CPHXL: variants seen among roughly 807,000 people sequenced by gnomAD.
The protein encoded by CPHXL is cytoplasmic polyadenylated homeobox-like protein.
Position 75,726,469 on chromosome 16 carries a change from G to C in CPHXL, c.-27C>G. On this transcript the variant is annotated 5_prime_UTR_variant, in exon 1 of 3. Coordinates refer to ENST00000640559, the MANE Select transcript of CPHXL (RefSeq NM_001355613.1). ...TTGGGGTAGAAGACCTGGACTTCAC[G>C]GAGACCAGCAAGCAACTGAGATCAG... 5.0e-6 allele frequency: 2 copies of C among 398,568 alleles called. No homozygotes were observed. Among genetic ancestry groups the C allele is most frequent in the Admixed American group, 4.4e-5 (1 of 22,726 alleles). 24.7% of individuals were successfully genotyped at this position (398,568 alleles called of 1,614,324 possible). A position where few individuals can be genotyped will look rare whatever the true frequency, so the allele number is the denominator to read the frequency against.
chr16:75,716,555 T>C (rs1959395430), intron 2 of CPHXL, among the ~76,000 whole-genome samples: 1 of 152,242 alleles, frequency 6.6e-6, no homozygotes, highest in Admixed American at 6.5e-5. Context: ...AGAGCTTTCC[T>C]GCCCTCCCTG....
rs1959362076 is a variant in CPHXL at position 75,714,564 on chromosome 16, T to G, written c.878A>C (p.His293Pro). Residue 293 changes from histidine to proline, a missense_variant, in exon 3 of 3, where the codon CAT becomes CCT. His to Pro is a moderately conservative substitution (Grantham distance 77). Coordinates refer to ENST00000640559, the MANE Select transcript of CPHXL (RefSeq NM_001355613.1). ...AQGAYGVKKD[H>P]CLCSFCLSLL... ...TGAGAGACAGAATGAGCAAAGACAA[T>G]GGTCTTTCTTCACCCCATATGCACC... The G allele has an allele frequency of 5.0e-6, 2 of 398,498 alleles. No homozygotes were observed. The highest frequency in any genetic ancestry group is 8.8e-5 in the Admixed American group (2 of 22,720). The allele number at this position is 398,498 out of a possible 1,614,324, so 24.7% of individuals were successfully genotyped here.
rs547229446 is a variant in CPHXL at position 75,722,018 on chromosome 16, G to A, written c.26-3560C>T. The stretch of plus-strand genomic sequence containing the variant: ...CCTGAATGACTACTGGGTACAAAAC[G>A]AAATGAAGGCAGAAACAAAGATGTT... On this transcript the variant is annotated intron_variant, in intron 1 of 2. Transcript: ENST00000640559. 7.2e-5 allele frequency among the ~76,000 whole-genome samples: 11 copies of A among 152,140 alleles called. No individual in the cohort carries two copies. In the South Asian group the frequency reaches 1.0e-3, roughly 14 times the overall value.
rs1181358530 is a variant in CPHXL at position 75,714,783 on chromosome 16, C to T, written c.659G>A (p.Cys220Tyr). The T allele has an allele frequency of 5.0e-6, 2 of 398,682 alleles. No individual in the cohort carries two copies. Among genetic ancestry groups the T allele is most frequent in the Non-Finnish European group, 4.4e-6 (1 of 226,098 alleles). 24.7% of individuals were successfully genotyped at this position (398,682 alleles called of 1,614,324 possible). A position where few individuals can be genotyped will look rare whatever the true frequency, so the allele number is the denominator to read the frequency against. The change falls in exon 3 of 3, where the codon TGT becomes TAT. Residue 220 changes from cysteine to tyrosine, a missense_variant. By Grantham distance (194) the Cys-to-Tyr change is radical. Transcript: ENST00000640559. ...TGTGTCACCTCCATACCCCATAGCA[C>T]AGCCTGGATGCTTTTCAGTGCCTGT... ...LVTGTEKHPG[C>Y]AMGYGGDTGS...
rs1959366921 is a variant in CPHXL at position 75,714,825 on chromosome 16, T to C, written c.617A>G (p.Gln206Arg). The C allele has an allele frequency of 2.0e-5, 8 of 398,728 alleles. No individual in the cohort carries two copies. Among genetic ancestry groups the C allele is most frequent in the South Asian group, 1.3e-4 (1 of 7,858 alleles). The allele number at this position is 398,728 out of a possible 1,614,324, so 24.7% of individuals were successfully genotyped here. The change falls in exon 3 of 3, where the codon CAG becomes CGG. Residue 206 changes from glutamine (Q) to arginine (R), a missense_variant. By Grantham distance (43) the Gln-to-Arg change is conservative. Transcript: ENST00000640559. ...AGTGCCTGTGACCAGATAGGAACTC[T>C]GGGAGGCCACCTGTTGACTGGGAAT... ...LGIPSQQVAS[Q>R]SSYLVTGTEK...
chr16:75,720,216 G>A (rs140849811), intron 1 of CPHXL, among the ~76,000 whole-genome samples: 129 of 152,298 alleles, frequency 8.5e-4, no homozygotes, highest in African/African-American at 2.9e-3. Context: ...CCAAAGGAAC[G>A]CAGCTCCTCA....
intron 1 of CPHXL, among the ~76,000 whole-genome samples, chr16:75,720,464 C>G (rs1479023439): frequency 6.6e-6 from 1 of 152,150 alleles, no homozygotes; most frequent in African/African-American, 2.4e-5. Flanking sequence ...ATGCACAAGC[C>G]TCAGTAGCCG....
intron 1 of CPHXL, among the ~76,000 whole-genome samples, chr16:75,725,642 CG>C (rs1959546327): frequency 6.6e-6 from 1 of 151,216 alleles, no homozygotes; most frequent in African/African-American, 2.4e-5. Context: ...TTAGTAGAGA[CG>C]GGGTTTCACC....
chr16:75,714,568 C>G lies in CPHXL; in HGVS notation c.874G>C (p.Asp292His), dbSNP rs1959362229. The change falls in exon 3 of 3, where the codon GAC becomes CAC. Residue 292 changes from aspartate (D) to histidine (H), a missense_variant. Physicochemically the swap from Asp to His is moderately conservative, Grantham distance 81 (BLOSUM62 -1). Transcript: ENST00000640559. ...YAQGAYGVKK[D>H]HCLCSFCLSL... is the part of the protein sequence containing the mutation. ...AGACAGAATGAGCAAAGACAATGGTCTTTCTTCACCCCATATGCACCTTGA... is the reference window on the plus strand; with the variant it reads ...AGACAGAATGAGCAAAGACAATGGTGTTTCTTCACCCCATATGCACCTTGA... 2.5e-6 allele frequency: 1 copy of G among 398,524 alleles called. No homozygotes were observed. Among genetic ancestry groups the G allele is most frequent in the Admixed American group, 4.4e-5 (1 of 22,724 alleles). The allele number at this position is 398,524 out of a possible 1,614,324, so 24.7% of individuals were successfully genotyped here.
At chr16:75,721,802 T>A (rs1331860214) in intron 1 of CPHXL, among the ~76,000 whole-genome samples, 4 of 152,160 alleles carry the variant, frequency 2.6e-5, no homozygotes, top group African/African-American at 9.6e-5. Context: ...GAATATACAT[T>A]CTTCTCAGCA....
At chr16:75,719,365 G>A (rs1415134070) in intron 1 of CPHXL, among the ~76,000 whole-genome samples, 2 of 152,158 alleles carry the variant, frequency 1.3e-5, no homozygotes, top group African/African-American at 4.8e-5. Context: ...GAAAGAAAGG[G>A]GTGACAGACG....
At chr16:75,720,437 C>T (rs146290200) in intron 1 of CPHXL, among the ~76,000 whole-genome samples, 11,060 of 152,046 alleles carry the variant, frequency 0.073, 656 homozygotes, top group African/African-American at 0.15. Context: ...AACCACGGCA[C>T]GAGAACTACA....
At chr16:75,722,468 C>G (rs192688539) in intron 1 of CPHXL, among the ~76,000 whole-genome samples, 180 of 152,228 alleles carry the variant, frequency 1.2e-3, no homozygotes, top group Middle Eastern at 3.4e-3. Flanking sequence ...TCAGAGAATA[C>G]TATAAACACC....
chr16:75,720,353 GA>G (rs75611783), intron 1 of CPHXL, among the ~76,000 whole-genome samples: 9 of 151,858 alleles, frequency 5.9e-5, no homozygotes, highest in South Asian at 2.1e-4. Flanking sequence ...TAAAAACCTT[GA>G]AAAAAAATTA....
chr16:75,722,553 C>A (rs552596019), intron 1 of CPHXL, among the ~76,000 whole-genome samples: 19 of 152,206 alleles, frequency 1.2e-4, no homozygotes, highest in Middle Eastern at 3.4e-3. Flanking sequence ...AAGACTAAAC[C>A]AGGAAGAAGC....
chr16:75,716,007 G>C (rs1959386049), intron 2 of CPHXL, among the ~76,000 whole-genome samples: 1 of 151,792 alleles, frequency 6.6e-6, no homozygotes, highest in Non-Finnish European at 1.5e-5. Flanking sequence ...CCACATTTCT[G>C]TTTCTTATAT....
At chr16:75,722,038 G>A (rs1959485400) in intron 1 of CPHXL, among the ~76,000 whole-genome samples, 1 of 152,194 alleles carries the variant, frequency 6.6e-6, no homozygotes, top group Non-Finnish European at 1.5e-5. Context: ...CAGAAACAAA[G>A]ATGTTCTTTG....
chr16:75,717,500 T>G (rs948331652), intron 2 of CPHXL, among the ~76,000 whole-genome samples: 1 of 152,258 alleles, frequency 6.6e-6, no homozygotes, highest in Non-Finnish European at 1.5e-5. Context: ...AAACCATCTC[T>G]AGATGACTTA....
chr16:75,725,416 G>C (rs1161935234), intron 1 of CPHXL, among the ~76,000 whole-genome samples: 1 of 151,432 alleles, frequency 6.6e-6, no homozygotes, highest in Non-Finnish European at 1.5e-5. Flanking sequence ...AACTTTTGTA[G>C]TAGCTGGGAC....
Sources: gnomAD v4.1 joint callset for allele counts (sites outside exome capture counted in the v4.1 genomes callset) on GRCh38, gnomAD v4.1.1 for gene constraint, MANE v1.5 for transcripts, NCBI Gene and HGNC (gene_info 2026-07-23, HGNC 2026-07-21) for gene names.